RBM28: variants seen among roughly 807,000 people sequenced by gnomAD.
RBM28 encodes RNA binding motif protein 28.
A neutral mutation model predicts 98.3 loss-of-function variants in RBM28; 78 were observed. The observed-to-expected ratio is 0.79, with a 90% CI of 0.66 to 0.96. RBM28 has a LOEUF of 0.96. Ranked by LOEUF, RBM28 falls within the 40% of genes least tolerant of loss-of-function variation. The pLI is 0.00. For synonymous variants in RBM28, 306 were observed against 330.9 expected (o/e 0.92, Z 0.82); for missense variants, 838 against 913.0 (o/e 0.92, Z 1.06).
chr7:128,342,922 T>C (rs1049228302), intron 1 of RBM28, among the ~76,000 whole-genome samples: 6 of 152,174 alleles, frequency 3.9e-5, no homozygotes, highest in East Asian at 1.9e-4. Context: ...CCTATCTATA[T>C]TGCCACTCTT....
At chr7:128,329,900 A>AAG (rs1325618686) in intron 10 of RBM28, among the ~76,000 whole-genome samples, 1 of 60,076 alleles carries the variant, frequency 1.7e-5, no homozygotes, top group East Asian at 3.3e-4. Context: ...AAAAAAAAAA[A>AAG]AAAAAAAAAA....
At chr7:128,331,132 A>G (rs1796471570) in intron 9 of RBM28, among the ~76,000 whole-genome samples, 1 of 152,180 alleles carries the variant, frequency 6.6e-6, no homozygotes. Flanking sequence ...CTGAAAACGT[A>G]AACAGACACA....
At chr7:128,339,127 A>T in intron 3 of RBM28, 100 bp downstream of exon 3, 1 of 1,108,196 alleles carries the variant, frequency 9.0e-7, no homozygotes, top group Non-Finnish European at 1.4e-6. Context: ...AGAAGGAATT[A>T]AGCCCAATTA....
chr7:128,332,433 A>G, intron 9 of RBM28, among the ~76,000 whole-genome samples: 1 of 151,940 alleles, frequency 6.6e-6, no homozygotes, highest in East Asian at 1.9e-4. Flanking sequence ...AGCTCACTGC[A>G]ACCTCCACCT....
At chr7:128,336,458 C>T (rs1796602708) in intron 6 of RBM28, among the ~76,000 whole-genome samples, 2 of 152,180 alleles carry the variant, frequency 1.3e-5, no homozygotes, top group African/African-American at 4.8e-5. Flanking sequence ...CTAAATAAAC[C>T]TCAAGTTTTA....
In RBM28 at chr7:128,335,673, G is replaced by T; in HGVS notation, c.816C>A (p.Val272=). The part of the protein sequence containing the change: ...TKPVQIQKRA[V]KRPAPAKSSD... ...TGCTTTTTGCAGGGGCTGGTCTCTT[G>T]ACTGCTCTGCAATGGCACAGATCAG... The change falls in exon 8 of 19, where the codon GTC becomes GTA. Residue 272 remains valine, a synonymous_variant. Coordinates refer to ENST00000223073, the MANE Select transcript of RBM28 (RefSeq NM_018077.3). 1 of 1,614,156 alleles carries T rather than the reference G, an allele frequency of 6.2e-7. No individual in the cohort carries two copies. Among genetic ancestry groups the T allele is most frequent in the Non-Finnish European group, 8.5e-7 (1 of 1,180,026 alleles).
chr7:128,341,245 T>C (rs1378182347), intron 1 of RBM28: 11 of 1,199,056 alleles, frequency 9.2e-6, no homozygotes, highest in Non-Finnish European at 1.1e-5. Flanking sequence ...TAACATCAAT[T>C]TTTCTCTTCT....
chr7:128,334,660 T>C (rs1796557884), intron 8 of RBM28, among the ~76,000 whole-genome samples: 1 of 152,196 alleles, frequency 6.6e-6, no homozygotes, highest in South Asian at 2.1e-4. Context: ...TTATTCTCAA[T>C]AAAGGTAGCA....
intron 13 of RBM28, 84 bp from the exon 14 acceptor site, chr7:128,321,508 A>T (rs1268568271): frequency 1.3e-6 from 2 of 1,532,928 alleles, no homozygotes; most frequent in Non-Finnish European, 1.8e-6. Flanking sequence ...AAGAATTATG[A>T]TCCTCATCCC....
rs1584627501 is a variant in RBM28, at chr7:128,306,277, T to C, written c.*4520A>G. On this transcript the variant is annotated 3_prime_UTR_variant, in exon 19 of 19. Transcript: ENST00000223073. ...GAGTGGAAAGGAGGGGCACAGAGAC[T>C]GTCCAGATTGGAATGGACAAGGCAT... The C allele has an allele frequency of 6.6e-6, 1 of 152,260 alleles. No homozygotes were observed. Among genetic ancestry groups the C allele is most frequent in the Non-Finnish European group, 1.5e-5 (1 of 68,058 alleles). The allele number at this position is 152,260 out of a possible 1,614,324, so 9.4% of individuals were successfully genotyped here.
intron 16 of RBM28, among the ~76,000 whole-genome samples, chr7:128,315,901 A>G (rs1796098600): frequency 6.6e-6 from 1 of 152,246 alleles, no homozygotes; most frequent in African/African-American, 2.4e-5. Flanking sequence ...GTTTTCAAGA[A>G]AGGAAGAACA....
At chr7:128,311,009 A>G in intron 18 of RBM28, 78 bp from the exon 19 acceptor site, 1 of 1,415,964 alleles carries the variant, frequency 7.1e-7, no homozygotes, top group Admixed American at 1.7e-5. Flanking sequence ...GCCACCCAAG[A>G]GAGAAAGTAA....
intron 6 of RBM28, 147 bp downstream of exon 6, chr7:128,336,984 G>T: frequency 1.2e-6 from 1 of 845,858 alleles, no homozygotes; most frequent in Non-Finnish European, 2.0e-6. Flanking sequence ...CTGACTGCAA[G>T]CAATCCACCC....
intron 17 of RBM28, among the ~76,000 whole-genome samples, chr7:128,314,333 CTG>C (rs1048103287): frequency 6.6e-6 from 1 of 152,218 alleles, no homozygotes; most frequent in African/African-American, 2.4e-5. Context: ...GAATAATACA[CTG>C]TCTCTAAAAA....
At position 128,304,042 on chromosome 7, in the gene RBM28, A is replaced by G. The variant is rs1795817616; in HGVS notation, c.*6755T>C. On this transcript the variant is annotated 3_prime_UTR_variant, in exon 19 of 19. Coordinates refer to ENST00000223073, the MANE Select transcript of RBM28 (RefSeq NM_018077.3). ...CAAAGAGTGGGCTGGCCACTCCCAGAACCTGTGTAAGCAGGAAACAAAAAG... is the reference window on the plus strand; with the variant it reads ...CAAAGAGTGGGCTGGCCACTCCCAGGACCTGTGTAAGCAGGAAACAAAAAG... The G allele has an allele frequency of 6.6e-6, 1 of 152,244 alleles. No homozygotes were observed. The highest frequency in any genetic ancestry group is 1.5e-5 in the Non-Finnish European group (1 of 68,050). 9.4% of individuals were successfully genotyped at this position (152,244 alleles called of 1,614,324 possible).
chr7:128,343,517 C>T (rs1199657965), intron 1 of RBM28, among the ~76,000 whole-genome samples, 159 bp downstream of exon 1: 1 of 152,180 alleles, frequency 6.6e-6, no homozygotes, highest in Non-Finnish European at 1.5e-5. Context: ...AAACTGACTC[C>T]TATGAACGCA....
chr7:128,312,998 C>G, intron 18 of RBM28, 177 bp downstream of exon 18: 1 of 655,590 alleles, frequency 1.5e-6, no homozygotes, highest in East Asian at 2.8e-5. Flanking sequence ...CGTGGAGGTT[C>G]ATTTTACTTT....
rs907322347 is a variant in RBM28, at chr7:128,308,483, T to C, written c.*2314A>G. 6.6e-6 allele frequency: 1 copy of C among 152,188 alleles called. No individual in the cohort carries two copies. The highest frequency in any genetic ancestry group is 2.4e-5 in the African/African-American group (1 of 41,454). The allele number at this position is 152,188 out of a possible 1,614,324, so 9.4% of individuals were successfully genotyped here. On this transcript the variant is annotated 3_prime_UTR_variant, in exon 19 of 19. Coordinates refer to ENST00000223073, the MANE Select transcript of RBM28 (RefSeq NM_018077.3). ...ATAAAGTCCCTTACTTCCTCCACAC[T>C]GTACAGACCAGGCTGAGAAAGACAT...
intron 8 of RBM28, 77 bp downstream of exon 8, chr7:128,335,466 A>G: frequency 6.4e-7 from 1 of 1,562,444 alleles, no homozygotes. Context: ...AAGAGATCTA[A>G]GCAGAACTGA....
Sources: allele counts gnomAD v4.1 joint callset (sites outside exome capture counted in the v4.1 genomes callset), GRCh38; gene constraint gnomAD v4.1.1; transcripts MANE v1.5; gene names NCBI Gene and HGNC (gene_info 2026-07-23, HGNC 2026-07-21).